Variants in RAI14 observed in about 807,000 individuals in gnomAD.
RAI14 encodes ankycorbin.
RAI14 carries 45 observed loss-of-function variants against 115.4 expected under a neutral mutation model. The observed-to-expected ratio is 0.39, with a 90% confidence interval of 0.31 to 0.50. RAI14 has a LOEUF of 0.50. Among genes scored for constraint, RAI14 ranks in the 20% least tolerant of loss-of-function variants. The probability of loss-of-function intolerance (pLI) is 0.85; values close to 1 mark genes in which losing one functional copy is unlikely to be tolerated. For synonymous variants in RAI14, 371 were observed against 415.4 expected (o/e 0.89, Z 1.30); for missense variants, 939 against 1,131.2 (o/e 0.83, Z 2.44).
At chr5:34,740,529 A>G (rs1745379206) in intron 2 of RAI14, among the ~76,000 whole-genome samples, 3 of 152,220 alleles carry the variant, frequency 2.0e-5, no homozygotes, top group Admixed American at 6.5e-5. Flanking sequence ...AAAGTTCTCC[A>G]TATCTGCCAG....
In RAI14 at chr5:34,814,591, T is replaced by C. The variant is rs375482245; in HGVS notation, c.861T>C (p.Asp287=). 2.1e-5 allele frequency: 34 copies of C among 1,611,922 alleles called. No individual in the cohort carries two copies. Among genetic ancestry groups the C allele is most frequent in the Admixed American group, 6.7e-5 (4 of 59,984 alleles). Residue 287 remains aspartate, a synonymous_variant, in exon 12 of 18, where the codon GAT becomes GAC. Transcript: ENST00000265109. ...PPPISPTQLS[D]VSSPRSITST... is the part of the protein sequence containing the mutation. ...TTTTGTTTCTTTTTTAGTTGAGTGA[T>C]GTCTCTTCCCCAAGATCAATAACTT...
At chr5:34,662,955 C>T (rs150692630) in intron 1 of RAI14, among the ~76,000 whole-genome samples, 4,188 of 151,824 alleles carry the variant, frequency 0.028, 69 homozygotes, top group African/African-American at 0.032. Flanking sequence ...AGGCTGGTCT[C>T]GAACTCCTGA....
intron 2 of RAI14, among the ~76,000 whole-genome samples, chr5:34,720,705 C>T (rs866028918): frequency 3.4e-4 from 51 of 152,016 alleles, no homozygotes; most frequent in African/African-American, 9.6e-4. Context: ...CCACCGCGCC[C>T]GGCAGATTTT....
intron 2 of RAI14, among the ~76,000 whole-genome samples, chr5:34,729,436 A>G (rs1226019085): frequency 6.6e-6 from 1 of 152,210 alleles, no homozygotes; most frequent in Non-Finnish European, 1.5e-5. Flanking sequence ...TGTAATTTTT[A>G]TAATAAAACA....
At chr5:34,767,591 G>GCCCCCCCCCCCCCCCCC (rs1561334151) in intron 3 of RAI14, among the ~76,000 whole-genome samples, 26 of 116,826 alleles carry the variant, frequency 2.2e-4, no homozygotes, top group African/African-American at 5.6e-4. Flanking sequence ...CACCGCCACC[G>GCCCCCCCCCCCCCCCCC]CCCCCACCAC....
intron 2 of RAI14, among the ~76,000 whole-genome samples, chr5:34,733,554 T>C (rs978266140): frequency 2.0e-5 from 3 of 152,176 alleles, no homozygotes; most frequent in African/African-American, 7.2e-5. Context: ...GTTCAAAAAC[T>C]GAATCTCAAA....
intron 4 of RAI14, among the ~76,000 whole-genome samples, chr5:34,799,788 C>T (rs971896666): frequency 2.7e-5 from 4 of 150,268 alleles, no homozygotes; most frequent in South Asian, 2.1e-4. Context: ...CCCGGGTTCA[C>T]GCCATTCTGC....
intron 2 of RAI14, among the ~76,000 whole-genome samples, chr5:34,747,511 G>A (rs1015924192): frequency 2.6e-5 from 4 of 152,118 alleles, no homozygotes; most frequent in Non-Finnish European, 4.4e-5. Flanking sequence ...ACTTCACATA[G>A]TACATAAGAT....
At chr5:34,673,744 A>C (rs1200068328) in intron 1 of RAI14, among the ~76,000 whole-genome samples, 2 of 152,058 alleles carry the variant, frequency 1.3e-5, no homozygotes, top group African/African-American at 4.8e-5. Context: ...AGCACCCCTC[A>C]ACCCCATTCC....
chr5:34,783,968 AC>A (rs1245669484), intron 3 of RAI14, among the ~76,000 whole-genome samples: 2 of 152,252 alleles, frequency 1.3e-5, no homozygotes, highest in Non-Finnish European at 2.9e-5. Flanking sequence ...ACATACATGT[AC>A]ATAAGCTAGT....
intron 4 of RAI14, among the ~76,000 whole-genome samples, chr5:34,796,882 C>T (rs1753605199): frequency 2.0e-5 from 3 of 152,118 alleles, no homozygotes; most frequent in African/African-American, 7.2e-5. Flanking sequence ...CTACACTTTA[C>T]CCTCTGAGAT....
intron 2 of RAI14, among the ~76,000 whole-genome samples, chr5:34,743,338 A>T (rs1162226256): frequency 6.6e-6 from 1 of 152,116 alleles, no homozygotes; most frequent in Admixed American, 6.5e-5. Flanking sequence ...CTTGGCTTGT[A>T]GGCACACCAC....
intron 2 of RAI14, among the ~76,000 whole-genome samples, chr5:34,752,169 C>A (rs1455043319): frequency 6.6e-6 from 1 of 151,936 alleles, no homozygotes; most frequent in African/African-American, 2.4e-5. Context: ...TGATTAAAAT[C>A]TTGGAAAATT....
intron 4 of RAI14, among the ~76,000 whole-genome samples, chr5:34,798,668 C>G (rs1753837119): frequency 6.6e-6 from 1 of 152,204 alleles, no homozygotes; most frequent in African/African-American, 2.4e-5. Context: ...GAGCCCTAAC[C>G]CAGTTCCTGA....
chr5:34,712,125 T>C (rs1741473296), intron 2 of RAI14, among the ~76,000 whole-genome samples: 1 of 152,190 alleles, frequency 6.6e-6, no homozygotes, highest in African/African-American at 2.4e-5. Context: ...GACTTATCTC[T>C]AGTTAAAACC....
At position 34,829,813 on chromosome 5, in the gene RAI14, T is replaced by G. The variant is rs759490252; in HGVS notation, c.2865+16T>G. 4 of 1,587,154 alleles carry G rather than the reference T, an allele frequency of 2.5e-6. No homozygotes were observed. In the African/African-American group the frequency reaches 5.4e-5, roughly 21 times the overall value. Reference sequence around the variant, plus strand: ...TGCTGTGCAGGTATGGTTATGCCCCTTGAAGTATCTGGACATCCTAAAGAA... The same window carrying G: ...TGCTGTGCAGGTATGGTTATGCCCCGTGAAGTATCTGGACATCCTAAAGAA... On this transcript the variant is annotated intron_variant, in intron 17 of 17. Transcript: ENST00000265109.
chr5:34,822,111 A>G (rs1756893742), intron 14 of RAI14, among the ~76,000 whole-genome samples: 2 of 149,106 alleles, frequency 1.3e-5, no homozygotes, highest in African/African-American at 4.9e-5. Context: ...AATAAATTAT[A>G]TAAATAAAAC....
At chr5:34,697,472 A>G (rs963275457) in intron 2 of RAI14, among the ~76,000 whole-genome samples, 4 of 152,000 alleles carry the variant, frequency 2.6e-5, no homozygotes, top group South Asian at 2.1e-4. Flanking sequence ...AGAAATGGAA[A>G]CTGCTCTTGA....
chr5:34,767,585 G>GCCACTGCCC (rs1749565961), intron 3 of RAI14, among the ~76,000 whole-genome samples: 1 of 142,388 alleles, frequency 7.0e-6, no homozygotes, highest in African/African-American at 2.7e-5. Flanking sequence ...CGCTGCCACC[G>GCCACTGCCC]CCACCGCCCC....
Sources: allele counts gnomAD v4.1 joint callset (sites outside exome capture counted in the v4.1 genomes callset), GRCh38; gene constraint gnomAD v4.1.1; transcripts MANE v1.5; gene names NCBI Gene and HGNC (gene_info 2026-07-23, HGNC 2026-07-21).